The following ARHGAP24 variants were observed in gnomAD, a reference collection of about 807,000 sequenced individuals.
ARHGAP24 encodes Rho GTPase activating protein 24, also known as rho GTPase-activating protein 24.
ARHGAP24 carries 50 observed loss-of-function variants against 76.4 expected under a neutral mutation model. That is an observed-to-expected ratio of 0.65 (90% CI 0.52 to 0.83). ARHGAP24 has a LOEUF of 0.83. Among genes scored for constraint, ARHGAP24 ranks in the 40% least tolerant of loss-of-function variants. The probability of loss-of-function intolerance (pLI) is 0.00; values close to 1 mark genes in which losing one functional copy is unlikely to be tolerated. For missense variants in ARHGAP24, 930 were observed against 914.2 expected, an observed-to-expected ratio of 1.02 and a Z score of -0.22; for synonymous variants, 345 against 323.3, an observed-to-expected ratio of 1.07 and a Z score of -0.72.
intron 3 of ARHGAP24, among the ~76,000 whole-genome samples, chr4:85,895,140 G>A (rs1192825724): frequency 6.6e-6 from 1 of 151,806 alleles, no homozygotes; most frequent in African/African-American, 2.4e-5. Context: ...AGAAATCTCA[G>A]TAATCACCAC....
chr4:85,946,111 G>A (rs1442295101), intron 5 of ARHGAP24, among the ~76,000 whole-genome samples: 1 of 152,114 alleles, frequency 6.6e-6, no homozygotes, highest in Non-Finnish European at 1.5e-5. Flanking sequence ...CAGATCTCAT[G>A]AGACTCATTC....
intron 1 of ARHGAP24, among the ~76,000 whole-genome samples, chr4:85,496,320 T>C (rs1326861072): frequency 1.3e-5 from 2 of 152,354 alleles, no homozygotes; most frequent in East Asian, 3.9e-4. Context: ...GGCTTAGCAT[T>C]TGTAAAACAG....
chr4:85,857,949 TC>T (rs1460876306), intron 3 of ARHGAP24, among the ~76,000 whole-genome samples: 1 of 152,196 alleles, frequency 6.6e-6, no homozygotes, highest in Admixed American at 6.6e-5. Context: ...TTCTAATAAT[TC>T]TTCTTTTACT....
At chr4:85,662,651 G>A (rs999256390) in intron 2 of ARHGAP24, among the ~76,000 whole-genome samples, 45 of 152,032 alleles carry the variant, frequency 3.0e-4, no homozygotes, top group African/African-American at 9.7e-4. Context: ...ATGGTTTTAG[G>A]TCTAACGTTT....
chr4:85,929,652 A>G (rs1172108153), intron 4 of ARHGAP24, among the ~76,000 whole-genome samples: 3 of 152,230 alleles, frequency 2.0e-5, no homozygotes, highest in African/African-American at 7.2e-5. Context: ...GTAAATACAC[A>G]TACAAATATG....
intron 1 of ARHGAP24, among the ~76,000 whole-genome samples, chr4:85,481,053 T>C (rs564838511): frequency 3.9e-5 from 6 of 152,278 alleles, no homozygotes; most frequent in African/African-American, 1.4e-4. Context: ...TCTCCTTGAA[T>C]CTAAGACTCT....
At chr4:85,763,330 T>TG (rs1261599856) in intron 3 of ARHGAP24, among the ~76,000 whole-genome samples, 1 of 152,192 alleles carries the variant, frequency 6.6e-6, no homozygotes, top group African/African-American at 2.4e-5. Context: ...CCAGGATGCC[T>TG]GGGGCGCTTA....
chr4:85,831,839 C>G (rs1474896425), intron 3 of ARHGAP24, among the ~76,000 whole-genome samples: 2 of 150,708 alleles, frequency 1.3e-5, no homozygotes, highest in Non-Finnish European at 2.9e-5. Flanking sequence ...GAAGTCAAGG[C>G]TGCAGTGAGC....
rs551529307 is a variant in ARHGAP24, at chr4:85,621,864, C to G, written c.180+51143C>G. The stretch of plus-strand genomic sequence containing the variant: ...TAGGCCAATGTCCAAAATAGTTTTT[C>G]CTACGAATTCTTTAAGGATTCTTAT... On this transcript the variant is annotated intron_variant, in intron 2 of 9. Transcript: ENST00000395184. Among the ~76,000 whole-genome samples the G allele has an allele frequency of 1.1e-3, 160 of 152,122 alleles. 1 individual carries two copies. Among genetic ancestry groups the G allele is most frequent in the African/African-American group, 3.3e-3 (138 of 41,520 alleles).
intron 3 of ARHGAP24, among the ~76,000 whole-genome samples, chr4:85,743,047 G>A (rs1393132863): frequency 6.6e-6 from 1 of 152,056 alleles, no homozygotes; most frequent in Non-Finnish European, 1.5e-5. Context: ...AGGGACTCCA[G>A]ATCTCAGTTA....
At chr4:85,953,620 A>G (rs970453304) in intron 5 of ARHGAP24, among the ~76,000 whole-genome samples, 1 of 151,854 alleles carries the variant, frequency 6.6e-6, no homozygotes, top group Non-Finnish European at 1.5e-5. Context: ...AGGAATCTGC[A>G]TGGTAAATCC....
At chr4:85,726,741 G>T (rs1211293568) in intron 3 of ARHGAP24, among the ~76,000 whole-genome samples, 1 of 152,086 alleles carries the variant, frequency 6.6e-6, no homozygotes, top group East Asian at 1.9e-4. Context: ...TGTATTCCAG[G>T]CAATGTTCCA....
At chr4:85,708,704 G>A (rs368312386) in intron 2 of ARHGAP24, among the ~76,000 whole-genome samples, 1 of 152,102 alleles carries the variant, frequency 6.6e-6, no homozygotes, top group South Asian at 2.1e-4. Flanking sequence ...GTTGGCATCC[G>A]CTTCCTGACA....
intron 2 of ARHGAP24, among the ~76,000 whole-genome samples, chr4:85,599,489 G>A (rs1263697097): frequency 1.3e-5 from 2 of 152,044 alleles, no homozygotes; most frequent in South Asian, 4.2e-4. Flanking sequence ...TTACTTTCTG[G>A]GAATATCCAT....
At chr4:85,981,675 A>G (rs372165357) in intron 8 of ARHGAP24, among the ~76,000 whole-genome samples, 14 of 151,312 alleles carry the variant, frequency 9.3e-5, no homozygotes, top group African/African-American at 3.2e-4. Context: ...CTGTTTTTTC[A>G]TTTCTGTTCT....
intron 3 of ARHGAP24, among the ~76,000 whole-genome samples, chr4:85,749,945 T>TCAGCAGCAGCAGCAGCAGCGG (rs1726194957): frequency 6.6e-6 from 1 of 151,648 alleles, no homozygotes; most frequent in Non-Finnish European, 1.5e-5. Context: ...CTCTGTGGTC[T>TCAGCAGCAGCAGCAGCAGCGG]CAGCAGCAGC....
intron 2 of ARHGAP24, among the ~76,000 whole-genome samples, chr4:85,606,286 G>T (rs1720189251): frequency 6.6e-6 from 1 of 152,090 alleles, no homozygotes; most frequent in South Asian, 2.1e-4. Flanking sequence ...GGCCAAGGCG[G>T]GCAGATCATG....
At chr4:85,555,992 T>C (rs182392983) in intron 1 of ARHGAP24, among the ~76,000 whole-genome samples, 606 of 152,260 alleles carry the variant, frequency 4.0e-3, no homozygotes, top group Admixed American at 6.4e-3. Flanking sequence ...ACAGTACCAC[T>C]GCAATGGCAG....
chr4:85,512,375 T>A (rs559411288), intron 1 of ARHGAP24, among the ~76,000 whole-genome samples: 53 of 152,326 alleles, frequency 3.5e-4, no homozygotes, highest in African/African-American at 1.1e-3. Context: ...GTTGTTATTT[T>A]TATTGCTGCT....
Sources: allele counts gnomAD v4.1 joint callset (sites outside exome capture counted in the v4.1 genomes callset), GRCh38; gene constraint gnomAD v4.1.1; transcripts MANE v1.5; gene names NCBI Gene and HGNC (gene_info 2026-07-23, HGNC 2026-07-21).